PLEKHG4: variants seen among roughly 807,000 people sequenced by gnomAD.
The protein encoded by PLEKHG4 is pleckstrin homology and RhoGEF domain containing G4, also known as puratrophin-1.
PLEKHG4 carries 85 observed loss-of-function variants against 136.9 expected under a neutral mutation model. The observed-to-expected ratio is 0.62, with a 90% confidence interval of 0.52 to 0.74. The LOEUF (loss-of-function observed/expected upper bound fraction) is 0.74. Ranked by LOEUF, PLEKHG4 falls within the 30% of genes least tolerant of loss-of-function variation. The probability of loss-of-function intolerance (pLI) is 0.00; values close to 1 mark genes in which losing one functional copy is unlikely to be tolerated. For missense variants in PLEKHG4, 1,317 were observed against 1,527.8 expected (o/e 0.86, Z 2.30); for synonymous variants, 577 against 646.9 (o/e 0.89, Z 1.64).
rs1341196819 is a variant in PLEKHG4 at position 67,286,649 on chromosome 16, G to A, written c.2737G>A (p.Ala913Thr). 17 of 1,570,922 alleles carry A rather than the reference G, an allele frequency of 1.1e-5. No individual in the cohort carries two copies. Among genetic ancestry groups the A allele is most frequent in the East Asian group, 2.4e-5 (1 of 42,148 alleles). Residue 913 changes from alanine (A) to threonine (T), a missense_variant, in exon 16 of 22, where the codon GCC becomes ACC. Coordinates refer to ENST00000379344, the MANE Select transcript of PLEKHG4 (RefSeq NM_001129729.3). ...CGGAAACGACCTGCTGGCCATGGAC[G>A]CCATCCAGGGCTGTGATGTGAGTCA... ...RHGNDLLAMD[A>T]IQGCDVNLKE... is the part of the protein sequence containing the mutation.
In PLEKHG4 at chr16:67,280,387, T is replaced by G. The variant is rs769870227; in HGVS notation, c.343T>G (p.Leu115Val). The change falls in exon 2 of 22, where the codon TTG becomes GTG. Residue 115 changes from leucine to valine, a missense_variant. Coordinates refer to ENST00000379344, the MANE Select transcript of PLEKHG4 (RefSeq NM_001129729.3). This position sits in a 1 kb window ranked among gnomAD's most constrained non-coding sequence, Gnocchi z 4.4. ...LLCPMSSHLS[L>V]AQGESDTPGV... Reference sequence around the variant, plus strand: ...ATGCCCCATGTCCTCCCACCTCAGCTTGGCACAGGGTGAGAGTGACACCCC... The same window carrying G: ...ATGCCCCATGTCCTCCCACCTCAGCGTGGCACAGGGTGAGAGTGACACCCC... The G allele has an allele frequency of 6.2e-7, 1 of 1,611,682 alleles. No individual in the cohort carries two copies. Among genetic ancestry groups the G allele is most frequent in the Middle Eastern group, 1.7e-4 (1 of 6,050 alleles).
At position 67,285,277 on chromosome 16, in the gene PLEKHG4, C is replaced by G; in HGVS notation, c.2196-13C>G. On this transcript the variant is annotated splice_polypyrimidine_tract_variant and intron_variant, in intron 13 of 21. Transcript: ENST00000379344. ...GAGAGATGTCTTGGGTCCTGACTCC[C>G]CATACCTGGTAGGCTACAGCTGGTG... The G allele has an allele frequency of 6.2e-7, 1 of 1,613,918 alleles. No homozygotes were observed. The highest frequency in any genetic ancestry group is 8.5e-7 in the Non-Finnish European group (1 of 1,179,942).
rs1208241873 is a variant in PLEKHG4, at chr16:67,288,346, C to A, written c.3400C>A (p.Pro1134Thr). The A allele has an allele frequency of 1.2e-6, 2 of 1,612,000 alleles. No individual in the cohort carries two copies. Among genetic ancestry groups the A allele is most frequent in the Non-Finnish European group, 1.7e-6 (2 of 1,180,008 alleles). Reference sequence around the variant, plus strand: ...CCGCTGTCCCCTGTATCCCAGCTTCCCAGAGGAAGCAGCACTGGAGGCTGA... The same window carrying A: ...CCGCTGTCCCCTGTATCCCAGCTTCACAGAGGAAGCAGCACTGGAGGCTGA... ...GLRCPLYPSF[P>T]EEAALEAEAE... is the part of the protein sequence containing the mutation. The change falls in exon 20 of 22, where the codon CCA (proline) becomes ACA (threonine). Residue 1134 changes from proline (P) to threonine (T), a missense_variant. Physicochemically the swap from Pro to Thr is conservative, Grantham distance 38 (BLOSUM62 -1). Coordinates refer to ENST00000379344, the MANE Select transcript of PLEKHG4 (RefSeq NM_001129729.3).
rs2036192413 is a variant in PLEKHG4, at chr16:67,281,020, G to A, written c.719+15G>A. On this transcript the variant is annotated intron_variant, in intron 4 of 21. Coordinates refer to ENST00000379344, the MANE Select transcript of PLEKHG4 (RefSeq NM_001129729.3). ...AGCATCCCCAGGTTTGAGGGAGGGGGTTGGGAGACTGAGCCTGAGCCAGCT... is the reference window on the plus strand; with the variant it reads ...AGCATCCCCAGGTTTGAGGGAGGGGATTGGGAGACTGAGCCTGAGCCAGCT... 3.1e-6 allele frequency: 5 copies of A among 1,613,978 alleles called. No individual in the cohort carries two copies. The highest frequency in any genetic ancestry group is 2.7e-5 in the African/African-American group (2 of 74,920).
chr16:67,279,977 G>T lies in PLEKHG4; in HGVS notation c.-68G>T. ...ACTGAGTCCCACTCGACTGTCTTCA[G>T]CGCGGTTCACACTGAGACCCAGCCC... On this transcript the variant is annotated 5_prime_UTR_variant, in exon 2 of 22. Transcript: ENST00000379344. 2.0e-6 allele frequency: 3 copies of T among 1,529,776 alleles called. No homozygotes were observed. The highest frequency in any genetic ancestry group is 2.7e-6 in the Non-Finnish European group (3 of 1,123,976). 94.8% of individuals were successfully genotyped at this position (1,529,776 alleles called of 1,614,324 possible).
chr16:67,282,661 A>G lies in PLEKHG4; in HGVS notation c.1392+20A>G. ...CACCAGGTCGGAACTACTTGCCCAG[A>G]GTGGGCCCTGCCCCGATCTCAGACG... On this transcript the variant is annotated intron_variant, in intron 10 of 21. Transcript: ENST00000379344. 7 of 1,613,732 alleles carry G rather than the reference A, an allele frequency of 4.3e-6. No individual in the cohort carries two copies. The highest frequency in any genetic ancestry group is 5.9e-6 in the Non-Finnish European group (7 of 1,180,012).
At chr16:67,288,099 A>G in intron 19 of PLEKHG4, 68 bp from the exon 20 acceptor site, 1 of 1,549,114 alleles carries the variant, frequency 6.5e-7, no homozygotes, top group Non-Finnish European at 8.9e-7. Context: ...GCTGGCCCGC[A>G]CTTTCCTTGG....
chr16:67,282,885 C>CG (rs1337056064), intron 11 of PLEKHG4, 27 bp downstream of exon 11: 7 of 1,503,762 alleles, frequency 4.7e-6, no homozygotes, highest in Non-Finnish European at 6.5e-6. Flanking sequence ...GTTCATGCCA[C>CG]GGGTATTGGG....
chr16:67,284,769 C>G lies in PLEKHG4; in HGVS notation c.1749C>G (p.Arg583=). The change falls in exon 13 of 22, where the codon CGC becomes CGG. Residue 583 remains arginine, a synonymous_variant. Coordinates refer to ENST00000379344, the MANE Select transcript of PLEKHG4 (RefSeq NM_001129729.3). This position sits in a 1 kb window ranked among gnomAD's most constrained non-coding sequence, Gnocchi z 4.4. ...QRVLAELEQE[R]PGVVLQQLQL... ...TGTTGGCAGAGCTGGAGCAGGAACG[C>G]CCGGGGGTTGTGTTGCAGCAGCTGC... 6.2e-7 allele frequency: 1 copy of G among 1,613,880 alleles called. No homozygotes were observed. The highest frequency in any genetic ancestry group is 1.6e-4 in the Middle Eastern group (1 of 6,062).
Position 67,284,341 on chromosome 16 carries a change from C to G in PLEKHG4, c.1576C>G (p.Pro526Ala). ...TGGCTGGGAGGCGGCTGAACTGGAC[C>G]CCCCTGGGGCACGCTTTCTGGCCCT... ...LTGWEAAELD[P>A]PGARFLALRA... is the part of the protein sequence containing the mutation. Residue 526 changes from proline to alanine, a missense_variant, in exon 12 of 22, where the codon CCC becomes GCC. Transcript: ENST00000379344. The surrounding 1 kb of genome is among the most constrained non-coding windows in gnomAD (Gnocchi z 4.4). 2 of 1,613,890 alleles carry G rather than the reference C, an allele frequency of 1.2e-6. No homozygotes were observed. Among genetic ancestry groups the G allele is most frequent in the South Asian group, 1.1e-5 (1 of 91,070 alleles).
Position 67,281,221 on chromosome 16 carries a change from TTTTC to T in PLEKHG4, c.813+41_813+44del, listed in dbSNP as rs767801476. The T allele has an allele frequency of 7.7e-4, 840 of 1,091,040 alleles. 48 individuals carry two copies. Among genetic ancestry groups the T allele is most frequent in the Middle Eastern group, 1.6e-3 (6 of 3,858 alleles). 67.6% of individuals were successfully genotyped at this position (1,091,040 alleles called of 1,614,324 possible). A position where few individuals can be genotyped will look rare whatever the true frequency, so the allele number is the denominator to read the frequency against. On this transcript the variant is annotated intron_variant, in intron 5 of 21. Coordinates refer to ENST00000379344, the MANE Select transcript of PLEKHG4 (RefSeq NM_001129729.3). ...ATTGTAGCTCCCCTCATTCCTTTTC[TTTTC>T]TTTTTTTTTTTTTTTGAGACGGAGT... is the stretch of plus-strand genomic sequence containing the variant.
chr16:67,285,631 T>G, intron 14 of PLEKHG4, 95 bp downstream of exon 14: 1 of 1,438,456 alleles, frequency 7.0e-7, no homozygotes, highest in Non-Finnish European at 9.7e-7. Flanking sequence ...GTGCTATGAG[T>G]ATAGCTATGA....
chr16:67,280,719 G>A lies in PLEKHG4; in HGVS notation c.508G>A (p.Gly170Arg). The change falls in exon 3 of 22, where the codon GGA becomes AGA. Residue 170 changes from glycine to arginine, a missense_variant. By Grantham distance (125) the Gly-to-Arg change is moderately radical. Coordinates refer to ENST00000379344, the MANE Select transcript of PLEKHG4 (RefSeq NM_001129729.3). This position sits in a 1 kb window ranked among gnomAD's most constrained non-coding sequence, Gnocchi z 4.4. ...TCATTTCCCTTCCCAAGCCCCCAGT[G>A]GATCCGGCCTCCCTAAGCCTGCTGA... ...ISKLLEAAPS[G>R]SGLPKPADCL... The A allele has an allele frequency of 1.2e-6, 2 of 1,614,114 alleles. No homozygotes were observed. The highest frequency in any genetic ancestry group is 1.3e-5 in the African/African-American group (1 of 75,052).
chr16:67,281,797 G>A lies in PLEKHG4; in HGVS notation c.965G>A (p.Gly322Asp), dbSNP rs995725297. The change falls in exon 7 of 22, where the codon GGC becomes GAC. Residue 322 changes from glycine (G) to aspartate (D), a missense_variant. By Grantham distance (94) the Gly-to-Asp change is moderately conservative. Coordinates refer to ENST00000379344, the MANE Select transcript of PLEKHG4 (RefSeq NM_001129729.3). Reference protein sequence around the residue: ...TAGLPTSLGGGLPYCHQAWLD... With the variant: ...TAGLPTSLGGDLPYCHQAWLD... ...GGGCTGCCCACTTCGCTAGGAGGAG[G>A]CCTGCCTTACTGCCACCAGGCCTGG... The A allele has an allele frequency of 3.7e-6, 6 of 1,613,650 alleles. No homozygotes were observed. Among genetic ancestry groups the A allele is most frequent in the Middle Eastern group, 3.3e-4 (2 of 6,062 alleles).
chr16:67,285,497 C>T lies in PLEKHG4; in HGVS notation c.2403C>T (p.Thr801=). 6.2e-7 allele frequency: 1 copy of T among 1,612,542 alleles called. No homozygotes were observed. Among genetic ancestry groups the T allele is most frequent in the Non-Finnish European group, 8.5e-7 (1 of 1,180,020 alleles). The change falls in exon 14 of 22, where the codon ACC becomes ACT. Residue 801 remains threonine (T), a synonymous_variant. Transcript: ENST00000379344. ...HFFLRELEAC[T]RHPPRVAYAF... ...TCCTGCGTGAGCTGGAGGCTTGCAC[C>T]CGGCACCCACCACGAGTGGCCTATG...
At position 67,282,496 on chromosome 16, in the gene PLEKHG4, A is replaced by G. The variant is rs1290231140; in HGVS notation, c.1254-7A>G. On this transcript the variant is annotated splice_region_variant and splice_polypyrimidine_tract_variant and intron_variant, in intron 9 of 21. Transcript: ENST00000379344. ...CAGGGGGTCTAAGATGGTATACCCT[A>G]CACCAGGACGGCAATGGACAAGGCT... The G allele has an allele frequency of 1.2e-6, 2 of 1,613,920 alleles. No individual in the cohort carries two copies. Among genetic ancestry groups the G allele is most frequent in the African/African-American group, 2.7e-5 (2 of 74,930 alleles).
chr16:67,288,410 G>A lies in PLEKHG4; in HGVS notation c.3454+10G>A. The A allele has an allele frequency of 6.2e-7, 1 of 1,612,576 alleles. No homozygotes were observed. The highest frequency in any genetic ancestry group is 8.5e-7 in the Non-Finnish European group (1 of 1,179,746). On this transcript the variant is annotated intron_variant, in intron 20 of 21. Coordinates refer to ENST00000379344, the MANE Select transcript of PLEKHG4 (RefSeq NM_001129729.3). ...GGCCAGCCCTCTTTGAGTATGTCTG[G>A]GCCTAGCCAGAGGCAGGAGGGCATG...
In PLEKHG4 at chr16:67,282,862, T is replaced by C. The variant is rs771747033; in HGVS notation, c.1509+4T>C. 6.2e-7 allele frequency: 1 copy of C among 1,604,884 alleles called. No homozygotes were observed. The highest frequency in any genetic ancestry group is 1.7e-5 in the Admixed American group (1 of 59,996). On this transcript the variant is annotated splice_donor_region_variant and intron_variant, in intron 11 of 21. Transcript: ENST00000379344. Reference sequence around the variant, plus strand: ...GGAGCTGTACCAGGTTGCCCAGGTATATGTGGTCACTTGTTCATGCCACGG... The same window carrying C: ...GGAGCTGTACCAGGTTGCCCAGGTACATGTGGTCACTTGTTCATGCCACGG...
intron 14 of PLEKHG4, 124 bp downstream of exon 14, chr16:67,285,660 T>C: frequency 3.5e-6 from 4 of 1,141,304 alleles, no homozygotes; most frequent in Non-Finnish European, 5.2e-6. Flanking sequence ...GGCAGGCTCC[T>C]GCACCTGAGG....
Sources: allele counts gnomAD v4.1 joint callset, GRCh38; gene constraint gnomAD v4.1.1; non-coding constraint Gnocchi (gnomAD v3.1); transcripts MANE v1.5; gene names NCBI Gene and HGNC (gene_info 2026-07-23, HGNC 2026-07-21).